The following PC variants were observed in gnomAD, a reference collection of about 807,000 sequenced individuals.
The protein encoded by PC is pyruvate carboxylase, mitochondrial.
A neutral mutation model predicts 107.8 loss-of-function variants in PC; 46 were observed. The ratio of observed to expected loss-of-function variants is 0.43; its 90% CI spans 0.34 to 0.55. PC has a LOEUF of 0.55. Among genes scored for constraint, PC ranks in the 20% least tolerant of loss-of-function variants. The pLI is 0.04. For synonymous variants in PC, 662 were observed against 684.7 expected (o/e 0.97, Z 0.52); for missense variants, 1,241 against 1,643.1 (o/e 0.76, Z 4.23).
chr11:66,898,307 GC>G, intron 3 of PC, among the ~76,000 whole-genome samples: 1 of 152,340 alleles, frequency 6.6e-6, no homozygotes, highest in African/African-American at 2.4e-5. Flanking sequence ...CGACTGCGCT[GC>G]CCTTCAGGGC....
chr11:66,949,699 A>C (rs1298958064), intron 3 of PC, among the ~76,000 whole-genome samples: 3 of 152,210 alleles, frequency 2.0e-5, no homozygotes, highest in Admixed American at 2.0e-4. Flanking sequence ...AGCCCCCTGA[A>C]AGTGACTGTT....
chr11:66,870,374 A>C lies in PC; in HGVS notation c.831T>G (p.Ile277Met). Residue 277 changes from isoleucine (I) to methionine (M), a missense_variant, in exon 9 of 23, where the codon ATT (isoleucine) becomes ATG (methionine). Ile to Met is a conservative substitution (Grantham distance 10). Around this residue, in one of 2 missense-constraint regions of PC, gnomAD observed 1,143 missense variants for 1,551.9 expected, o/e 0.74. Coordinates refer to ENST00000393960, the MANE Select transcript of PC (RefSeq NM_001040716.2). This position sits in a 1 kb window ranked among gnomAD's most constrained non-coding sequence, Gnocchi z 6.1. ...IQRRHQKVVE[I>M]APAAHLDPQL... ...GCGGGTCCAGGTGGGCGGCGGGGGC[A>C]ATCTCGACCACCTTCTGGTGCCGCC... The C allele has an allele frequency of 6.2e-7, 1 of 1,613,600 alleles. No individual in the cohort carries two copies. The highest frequency in any genetic ancestry group is 8.5e-7 in the Non-Finnish European group (1 of 1,179,982).
chr11:66,876,250 G>C (rs532398608), intron 3 of PC, among the ~76,000 whole-genome samples: 2 of 152,296 alleles, frequency 1.3e-5, no homozygotes, highest in East Asian at 3.9e-4. Flanking sequence ...TTAGAGAACA[G>C]CCTCATTCTT....
At chr11:66,861,171 C>T (rs1475320071) in intron 12 of PC, among the ~76,000 whole-genome samples, 1 of 152,184 alleles carries the variant, frequency 6.6e-6, no homozygotes, top group Non-Finnish European at 1.5e-5. Flanking sequence ...CGGATGGGCA[C>T]GAGCCCTGCT....
In PC at chr11:66,848,954, T is replaced by C; in HGVS notation, c.3482A>G (p.His1161Arg). The change falls in exon 23 of 23, where the codon CAT becomes CGT. Residue 1161 changes from histidine (H) to arginine (R), a missense_variant. Around this residue, in one of 2 missense-constraint regions of PC, gnomAD observed 98 missense variants for 91.2 expected, o/e 1.07. Transcript: ENST00000393960. The part of the protein sequence containing the change: ...SPMEGTVRKV[H>R]VTKDMTLEGD... ...TTCCAGTGTCATGTCCTTGGTCACA[T>C]GAACCTTGCGGACAGTACCCTCCAT... The C allele has an allele frequency of 6.2e-7, 1 of 1,614,060 alleles. No individual in the cohort carries two copies. Among genetic ancestry groups the C allele is most frequent in the Non-Finnish European group, 8.5e-7 (1 of 1,180,028 alleles).
intron 3 of PC, among the ~76,000 whole-genome samples, chr11:66,927,093 C>T (rs1472506801): frequency 2.0e-5 from 3 of 147,016 alleles, no homozygotes; most frequent in Non-Finnish European, 4.5e-5. Flanking sequence ...CAGGTTCAAG[C>T]GATTCTCCCA....
chr11:66,852,094 A>C lies in PC; in HGVS notation c.1826-148T>G. ...ACCTGTGTTCCCTGCTCCAACCCCC[A>C]CAGATTTTTCCCTTGTCTGATCTCT... On this transcript the variant is annotated intron_variant, in intron 15 of 22. Coordinates refer to ENST00000393960, the MANE Select transcript of PC (RefSeq NM_001040716.2). This position sits in a 1 kb window ranked among gnomAD's most constrained non-coding sequence, Gnocchi z 4.7. 1.2e-6 allele frequency: 1 copy of C among 829,854 alleles called. No homozygotes were observed. Among genetic ancestry groups the C allele is most frequent in the Non-Finnish European group, 1.9e-6 (1 of 517,028 alleles). The allele number at this position is 829,854 out of a possible 1,614,324, so 51.4% of individuals were successfully genotyped here.
At chr11:66,902,031 G>A (rs1947973446) in intron 3 of PC, among the ~76,000 whole-genome samples, 1 of 152,150 alleles carries the variant, frequency 6.6e-6, no homozygotes. Flanking sequence ...TTCTCTGGGC[G>A]AACTGATTAC....
chr11:66,957,720 G>T (rs1179992256), intron 1 of PC: 1 of 152,280 alleles, frequency 6.6e-6, no homozygotes, highest in Non-Finnish European at 1.5e-5. Context: ...GGAGAAATAA[G>T]GGGCTGAGCC....
rs1249662999 is a variant in PC, at chr11:66,891,480, G to A, written c.1-19321C>T. Among the ~76,000 whole-genome samples the A allele has an allele frequency of 5.3e-5, 8 of 152,030 alleles. No homozygotes were observed. In the East Asian group the frequency reaches 7.7e-4, roughly 15 times the overall value. ...GCGATCTCAGCTCACCACAACCTCC[G>A]CCTCCCGGGTTCGAGCGATTCTCCA... On this transcript the variant is annotated intron_variant, in intron 3 of 22. Transcript: ENST00000393960.
intron 1 of PC, among the ~76,000 whole-genome samples, 170 bp downstream of exon 1, chr11:66,958,152 C>T (rs1239829311): frequency 6.6e-6 from 1 of 151,786 alleles, no homozygotes; most frequent in Non-Finnish European, 1.5e-5. Context: ...CGTCGCGTCG[C>T]GCACCGCGCA....
intron 3 of PC, among the ~76,000 whole-genome samples, chr11:66,907,074 T>G (rs1330804185): frequency 6.6e-6 from 1 of 152,200 alleles, no homozygotes. Context: ...GGCCGGCTGG[T>G]GCTGAACTAT....
intron 3 of PC, among the ~76,000 whole-genome samples, chr11:66,941,247 A>G (rs922432792): frequency 6.6e-6 from 1 of 152,144 alleles, no homozygotes; most frequent in Non-Finnish European, 1.5e-5. Context: ...CTGTTAATGG[A>G]AATGTAAAAT....
At position 66,858,123 on chromosome 11, in the gene PC, C is replaced by G; in HGVS notation, c.1369-4740G>C. ...CCCCGTCAATCTGCAGCACCTCATC[C>G]TCAGCGGCAACCAGCTGGGCCGCAT... On this transcript the variant is annotated intron_variant, in intron 12 of 22. Coordinates refer to ENST00000393960, the MANE Select transcript of PC (RefSeq NM_001040716.2). This position sits in a 1 kb window ranked among gnomAD's most constrained non-coding sequence, Gnocchi z 5.9. 6.2e-7 allele frequency: 1 copy of G among 1,610,766 alleles called. No individual in the cohort carries two copies. Among genetic ancestry groups the G allele is most frequent in the Non-Finnish European group, 8.5e-7 (1 of 1,178,918 alleles).
intron 1 of PC, 58 bp from the exon 2 acceptor site, chr11:66,954,494 C>G (rs963818508): frequency 3.9e-5 from 6 of 152,306 alleles, no homozygotes; most frequent in African/African-American, 7.2e-5. Flanking sequence ...TCAGAGTGAG[C>G]AGGCAAAATG....
intron 3 of PC, among the ~76,000 whole-genome samples, chr11:66,943,029 AG>A (rs150512448): frequency 0.28 from 42,127 of 150,876 alleles, 6,122 homozygotes; most frequent in Non-Finnish European, 0.34. Context: ...AAAAAAAAAA[AG>A]TAAGTTTAAT....
At chr11:66,884,641 C>T (rs951978148) in intron 3 of PC, among the ~76,000 whole-genome samples, 4 of 152,154 alleles carry the variant, frequency 2.6e-5, no homozygotes, top group African/African-American at 9.7e-5. Flanking sequence ...TAATGCAGAG[C>T]GTGCCTGTGC....
intron 10 of PC, among the ~76,000 whole-genome samples, chr11:66,868,082 G>C (rs1332367943): frequency 2.6e-5 from 4 of 152,262 alleles, no homozygotes; most frequent in African/African-American, 9.6e-5. Flanking sequence ...AGTGCCTGCA[G>C]GGAGCACGCT....
intron 3 of PC, among the ~76,000 whole-genome samples, chr11:66,937,237 C>G (rs189665179): frequency 5.9e-5 from 9 of 152,106 alleles, no homozygotes; most frequent in African/African-American, 2.2e-4. Flanking sequence ...GAGGTCAGGA[C>G]CATCTAAGAC....
Sources: allele counts gnomAD v4.1 joint callset (sites outside exome capture counted in the v4.1 genomes callset), GRCh38; gene constraint gnomAD v4.1.1; regional missense constraint gnomAD v4.1.1; non-coding constraint Gnocchi (gnomAD v3.1); transcripts MANE v1.5; gene names NCBI Gene and HGNC (gene_info 2026-07-23, HGNC 2026-07-21).